The following WDR20 variants were observed in gnomAD, a reference collection of about 807,000 sequenced individuals.
WDR20 encodes the protein WD repeat-containing protein 20.
A neutral mutation model predicts 38.7 loss-of-function variants in WDR20; 3 were observed. The ratio of observed to expected loss-of-function variants is 0.08; its 90% CI spans 0.04 to 0.20. WDR20 has a LOEUF of 0.20. Among genes scored for constraint, WDR20 ranks in the 10% least tolerant of loss-of-function variants. The pLI, the probability that WDR20 is intolerant of heterozygous loss-of-function variation, is 1.00. For missense variants in WDR20, 559 were observed against 727.7 expected (o/e 0.77, Z 2.67); for synonymous variants, 298 against 285.6 (o/e 1.04, Z -0.44).
chr14:102,215,390 G>A (rs906660150), downstream of WDR20, among the ~76,000 whole-genome samples: 7 of 152,148 alleles, frequency 4.6e-5, no homozygotes, highest in African/African-American at 1.4e-4. Flanking sequence ...CTGGACATCC[G>A]ACATTCTGTC....
At chr14:102,224,466 T>C, downstream of WDR20, 3 of 410,016 alleles carry the variant, frequency 7.3e-6, no homozygotes, top group East Asian at 7.1e-5. Context: ...GAAGAATGTT[T>C]ATTTATTTTT....
chr14:102,200,110 A>ACT (rs1453665833), intron 2 of WDR20, among the ~76,000 whole-genome samples: 3 of 152,234 alleles, frequency 2.0e-5, no homozygotes, highest in Non-Finnish European at 4.4e-5. Flanking sequence ...CCTCAGTCAC[A>ACT]CTGGAGGTCC....
chr14:102,193,613 T>TA, intron 1 of WDR20: 1 of 1,163,936 alleles, frequency 8.6e-7, no homozygotes, highest in East Asian at 2.6e-5. Flanking sequence ...CTTCTACATG[T>TA]GCAAGGTTTT....
At chr14:102,195,296 T>A (rs2059225706) in intron 2 of WDR20, among the ~76,000 whole-genome samples, 176 bp downstream of exon 2, 1 of 152,178 alleles carries the variant, frequency 6.6e-6, no homozygotes, top group Non-Finnish European at 1.5e-5. Context: ...CCTTACCTGT[T>A]CTTCCTTGGG....
At chr14:102,190,452 G>C (rs2066048419) in intron 1 of WDR20, among the ~76,000 whole-genome samples, 1 of 152,052 alleles carries the variant, frequency 6.6e-6, no homozygotes, top group Admixed American at 6.5e-5. Flanking sequence ...AATTAGCCAG[G>C]TGTGGTGGCA....
chr14:102,189,522 G>T (rs1015408584), intron 1 of WDR20, among the ~76,000 whole-genome samples: 1 of 152,186 alleles, frequency 6.6e-6, no homozygotes, highest in Non-Finnish European at 1.5e-5. Flanking sequence ...TCTGTGCCAG[G>T]CTGGATACCT....
chr14:102,198,097 CTTTATTTATTTATTTA>C lies in WDR20; in HGVS notation c.432+3011_432+3026del, dbSNP rs67384915. On this transcript the variant is annotated intron_variant, in intron 2 of 2. Transcript: ENST00000342702. ...AAAGGGAGAGAATCACAGAGGTCTA[CTTTATTTATTTATTTA>C]TTTATTTATTTATTTATTTATTTAT... 3.8e-3 allele frequency: 673 copies of C among 176,552 alleles called. 7 individuals carry two copies. The highest frequency in any genetic ancestry group is 0.025 in the Middle Eastern group (11 of 432). 10.9% of individuals were successfully genotyped at this position (176,552 alleles called of 1,614,324 possible). A position where few individuals can be genotyped will look rare whatever the true frequency, so the allele number is the denominator to read the frequency against.
intron 1 of WDR20, among the ~76,000 whole-genome samples, chr14:102,158,446 T>A (rs2057941850): frequency 6.6e-6 from 1 of 152,106 alleles, no homozygotes; most frequent in Non-Finnish European, 1.5e-5. Context: ...TACAGGCATG[T>A]ACCACCACGC....
chr14:102,181,876 G>A (rs2063462421), intron 1 of WDR20, among the ~76,000 whole-genome samples: 1 of 152,058 alleles, frequency 6.6e-6, no homozygotes, highest in Non-Finnish European at 1.5e-5. Flanking sequence ...TTCTAAGTGG[G>A]TTGGCCTGCT....
At chr14:102,156,015 C>T (rs1365656413) in intron 1 of WDR20, among the ~76,000 whole-genome samples, 2 of 150,320 alleles carry the variant, frequency 1.3e-5, no homozygotes, top group Admixed American at 6.6e-5. Context: ...TGGGCTCATG[C>T]GAACCTCCCA....
At chr14:102,171,934 T>C (rs1286679875) in intron 1 of WDR20, among the ~76,000 whole-genome samples, 8 of 151,422 alleles carry the variant, frequency 5.3e-5, no homozygotes, top group Non-Finnish European at 1.2e-4. Flanking sequence ...TTTATTTTTA[T>C]TGATCATTCT....
At chr14:102,176,226 C>T (rs8016245) in intron 1 of WDR20, among the ~76,000 whole-genome samples, 12,928 of 151,560 alleles carry the variant, frequency 0.085, 940 homozygotes, top group African/African-American at 0.21. Context: ...AGCCCCATCT[C>T]TACTAAAAAT....
rs114109058 is a variant in WDR20 at position 102,161,816 on chromosome 14, G to A, written c.249+21644G>A. Among the ~76,000 whole-genome samples, 558 of 152,232 alleles carry A rather than the reference G, an allele frequency of 3.7e-3. 3 individuals are homozygous for A. The highest frequency in any genetic ancestry group is 0.012 in the African/African-American group (517 of 41,496). On this transcript the variant is annotated intron_variant, in intron 1 of 2. Coordinates refer to ENST00000342702, the MANE Select transcript of WDR20 (RefSeq NM_144574.4). ...CCGTACCACATAGACCAAAATGAGA[G>A]CTAATATCCAGGATGAGAATGAACA...
In WDR20 at chr14:102,222,691, G is replaced by A. The variant is rs2064050687; in HGVS notation, c.1693-139G>A. ...TCTGGATAGGAATTAAATAGATGAA[G>A]TGGAGGGTTTGCTCCCACACTGGCT... On this transcript the variant is annotated intron_variant, in intron 3 of 3. Coordinates refer to the WDR20 transcript ENST00000335263. This position sits in a 1 kb window ranked among gnomAD's most constrained non-coding sequence, Gnocchi z 4.4. 1 of 809,926 alleles carries A rather than the reference G, an allele frequency of 1.2e-6. No individual in the cohort carries two copies. The highest frequency in any genetic ancestry group is 2.6e-5 in the East Asian group (1 of 38,878). 50.2% of individuals were successfully genotyped at this position (809,926 alleles called of 1,614,324 possible).
At position 102,172,828 on chromosome 14, in the gene WDR20, G is replaced by A. The variant is rs1245055789; in HGVS notation, c.250-22110G>A. On this transcript the variant is annotated intron_variant, in intron 1 of 2. Coordinates refer to ENST00000342702, the MANE Select transcript of WDR20 (RefSeq NM_144574.4). ...CACTTCTCAGACGGGGCGGCTGCCG[G>A]GCGGAGGGTCTCCTCACTTCTCAGA... Among the ~76,000 whole-genome samples the A allele has an allele frequency of 2.0e-5, 3 of 149,672 alleles. No homozygotes were observed. The South Asian group carries it at 6.3e-4, about 32-fold the overall frequency.
At chr14:102,180,693 A>G (rs561494902) in intron 1 of WDR20, among the ~76,000 whole-genome samples, 1 of 152,198 alleles carries the variant, frequency 6.6e-6, no homozygotes, top group Non-Finnish European at 1.5e-5. Context: ...AGGAGAGATC[A>G]GATCTTGCTG....
chr14:102,148,927 C>T lies in WDR20; in HGVS notation c.249+8755C>T, dbSNP rs192622552. 6.0e-4 allele frequency among the ~76,000 whole-genome samples: 92 copies of T among 152,148 alleles called. 1 individual carries two copies. The highest frequency in any genetic ancestry group is 2.1e-3 in the African/African-American group (88 of 41,506). ...TTGTAATCCCTGCACTTTGGGAGGC[C>T]GAGGCGGGCGGATCACGAGGTCAGG... On this transcript the variant is annotated intron_variant, in intron 1 of 2. Transcript: ENST00000342702.
intron 1 of WDR20, among the ~76,000 whole-genome samples, chr14:102,187,282 T>A (rs930250520): frequency 6.6e-6 from 1 of 152,220 alleles, no homozygotes; most frequent in South Asian, 2.1e-4. Context: ...TCCTGGCTTC[T>A]TTCTTGTTTT....
chr14:102,191,285 C>T (rs1456197335), intron 1 of WDR20: 1 of 152,176 alleles, frequency 6.6e-6, no homozygotes, highest in Admixed American at 6.5e-5. Flanking sequence ...CAGACTGCCC[C>T]TGCCTGGGAA....
Sources: gnomAD v4.1 joint callset for allele counts (sites outside exome capture counted in the v4.1 genomes callset) on GRCh38, gnomAD v4.1.1 for gene constraint, Gnocchi (gnomAD v3.1) non-coding constraint, MANE v1.5 for transcripts, NCBI Gene and HGNC (gene_info 2026-07-23, HGNC 2026-07-21) for gene names.